The following PID1 variants were observed in gnomAD, a reference collection of about 807,000 sequenced individuals.
The protein encoded by PID1 is phosphotyrosine interaction domain containing 1.
In PID1, 10 loss-of-function variants were observed where a neutral mutation model predicts 19.1. The ratio of observed to expected loss-of-function variants is 0.52; its 90% confidence interval spans 0.32 to 0.89. The LOEUF is 0.89. Among genes scored for constraint, PID1 ranks in the 40% least tolerant of loss-of-function variants. PID1 has a pLI of 0.03. For synonymous variants in PID1, 130 were observed against 116.0 expected (o/e 1.12, Z -0.78); for missense variants, 248 against 285.3 (o/e 0.87, Z 0.94).
chr2:229,136,897 T>C (rs992413639), intron 2 of PID1, among the ~76,000 whole-genome samples: 1 of 152,204 alleles, frequency 6.6e-6, no homozygotes, highest in African/African-American at 2.4e-5. Context: ...ACTTACCACG[T>C]ATCTTTATGG....
chr2:229,187,408 G>A (rs1292120937), intron 1 of PID1, among the ~76,000 whole-genome samples: 2 of 152,160 alleles, frequency 1.3e-5, no homozygotes, highest in Non-Finnish European at 2.9e-5. Context: ...CATGGCTGGG[G>A]AGGTCTCATA....
At chr2:229,132,213 A>G (rs900775117) in intron 2 of PID1, among the ~76,000 whole-genome samples, 3 of 152,206 alleles carry the variant, frequency 2.0e-5, no homozygotes, top group Non-Finnish European at 2.9e-5. Flanking sequence ...GCCTTGTTCT[A>G]TCTCCTTGGG....
At chr2:229,032,199 A>G (rs1191421906) in intron 2 of PID1, among the ~76,000 whole-genome samples, 2 of 152,206 alleles carry the variant, frequency 1.3e-5, no homozygotes, top group Non-Finnish European at 2.9e-5. Flanking sequence ...ATATTTCTAT[A>G]TCAACACTGT....
chr2:229,117,154 T>C (rs1574642417), intron 2 of PID1, among the ~76,000 whole-genome samples: 1 of 152,340 alleles, frequency 6.6e-6, no homozygotes, highest in Admixed American at 6.5e-5. Flanking sequence ...ATCTCTATTT[T>C]GATGACTCAC....
intron 2 of PID1, among the ~76,000 whole-genome samples, chr2:229,071,940 T>C (rs1422293778): frequency 1.3e-5 from 2 of 152,244 alleles, no homozygotes; most frequent in African/African-American, 4.8e-5. Context: ...CTTATAAAAG[T>C]AATTTAAGTA....
At chr2:229,215,977 G>C (rs1196078225) in intron 1 of PID1, among the ~76,000 whole-genome samples, 1 of 152,196 alleles carries the variant, frequency 6.6e-6, no homozygotes, top group East Asian at 1.9e-4. Context: ...CACCTCTGCA[G>C]AACGTGGTCT....
chr2:229,088,392 C>A (rs1300569487), intron 2 of PID1, among the ~76,000 whole-genome samples: 3 of 151,398 alleles, frequency 2.0e-5, no homozygotes, highest in East Asian at 3.9e-4. Flanking sequence ...CGTTTTCATA[C>A]CTCAAAAATG....
At position 229,204,201 on chromosome 2, in the gene PID1, C is replaced by T. The variant is rs1691557134; in HGVS notation, c.31-48237G>A. ...ATTTATCTGTTGTTTATTGCTAGAG[C>T]TGCTGATCAGGGGAGGAAACTATAG... is the stretch of plus-strand genomic sequence containing the variant. On this transcript the variant is annotated intron_variant, in intron 1 of 2. Coordinates refer to ENST00000392055, the MANE Select transcript of PID1 (RefSeq NM_001100818.2). Among the ~76,000 whole-genome samples the T allele has an allele frequency of 2.0e-5, 3 of 151,988 alleles. No homozygotes were observed. In the South Asian group the frequency reaches 6.2e-4, roughly 32 times the overall value.
At chr2:229,249,661 C>T (rs1437250842) in intron 1 of PID1, among the ~76,000 whole-genome samples, 3 of 152,078 alleles carry the variant, frequency 2.0e-5, no homozygotes, top group Non-Finnish European at 4.4e-5. Context: ...AGCAGAAGAA[C>T]AAACTGTGGA....
chr2:229,184,048 A>G (rs55844133), intron 1 of PID1, among the ~76,000 whole-genome samples: 1 of 26,532 alleles, frequency 3.8e-5, no homozygotes, highest in Non-Finnish European at 6.4e-5. Context: ...TATCCCATAT[A>G]TATATCCCAT....
intron 2 of PID1, among the ~76,000 whole-genome samples, chr2:229,060,087 T>G (rs1694181641): frequency 6.6e-6 from 1 of 152,174 alleles, no homozygotes; most frequent in Non-Finnish European, 1.5e-5. Flanking sequence ...AAATCAAGCT[T>G]ATTCACAAAA....
intron 2 of PID1, among the ~76,000 whole-genome samples, chr2:229,147,298 C>G (rs1690155171): frequency 6.6e-6 from 1 of 152,054 alleles, no homozygotes; most frequent in African/African-American, 2.4e-5. Context: ...TCCAGACAAA[C>G]TTTTAACATC....
chr2:229,061,837 C>T (rs1450650014), intron 2 of PID1, among the ~76,000 whole-genome samples: 1 of 151,872 alleles, frequency 6.6e-6, no homozygotes, highest in Non-Finnish European at 1.5e-5. Flanking sequence ...GTTAAATTTA[C>T]TTCCGTTTTC....
chr2:229,229,232 C>T (rs778816385), intron 1 of PID1, among the ~76,000 whole-genome samples: 1 of 152,162 alleles, frequency 6.6e-6, no homozygotes, highest in Non-Finnish European at 1.5e-5. Context: ...CTTTCTCCAG[C>T]AGTACCACCT....
intron 2 of PID1, among the ~76,000 whole-genome samples, chr2:229,052,145 G>A (rs543445979): frequency 2.6e-5 from 4 of 152,222 alleles, no homozygotes; most frequent in East Asian, 1.9e-4. Flanking sequence ...ATTTAACAAC[G>A]TTATAGTGCC....
At chr2:229,082,101 G>C (rs1694679573) in intron 2 of PID1, among the ~76,000 whole-genome samples, 1 of 152,206 alleles carries the variant, frequency 6.6e-6, no homozygotes, top group Non-Finnish European at 1.5e-5. Context: ...CTGCCACAGA[G>C]TCAAGATCAG....
chr2:229,154,589 T>C (rs765741158), intron 2 of PID1, among the ~76,000 whole-genome samples: 1 of 152,150 alleles, frequency 6.6e-6, no homozygotes, highest in Non-Finnish European at 1.5e-5. Flanking sequence ...TGAATGTGGA[T>C]GAGGTTTTGT....
intron 2 of PID1, among the ~76,000 whole-genome samples, chr2:229,113,469 T>A (rs1343483289): frequency 7.1e-6 from 1 of 139,970 alleles, no homozygotes; most frequent in Non-Finnish European, 1.5e-5. Context: ...CACACATAGA[T>A]ATGTGTGTAT....
At chr2:229,256,172 A>G (rs1292713451) in intron 1 of PID1, among the ~76,000 whole-genome samples, 4 of 152,186 alleles carry the variant, frequency 2.6e-5, no homozygotes, top group African/African-American at 9.6e-5. Flanking sequence ...AGATGCACCA[A>G]GGAAAGCTCA....
Sources: gnomAD v4.1 joint callset for allele counts (sites outside exome capture counted in the v4.1 genomes callset) on GRCh38, gnomAD v4.1.1 for gene constraint, MANE v1.5 for transcripts, NCBI Gene and HGNC (gene_info 2026-07-23, HGNC 2026-07-21) for gene names.